DDX59: variants seen among roughly 807,000 people sequenced by gnomAD.
DDX59 encodes the protein DEAD-box helicase 59.
Under a neutral mutation model 51.9 loss-of-function variants are expected in DDX59, and 30 were observed. That is an observed-to-expected ratio of 0.58 (90% CI 0.43 to 0.78). The LOEUF (loss-of-function observed/expected upper bound fraction) is 0.78, where lower values mean the gene tolerates loss of function less well. DDX59 is among the 30% of genes least tolerant of loss of function. The pLI is 0.00. For missense variants in DDX59, 672 were observed against 730.8 expected, an observed-to-expected ratio of 0.92 and a Z score of 0.93; for synonymous variants, 255 against 253.3, an observed-to-expected ratio of 1.01 and a Z score of -0.06.
chr1:200,652,856 A>AT (rs888090737), intron 4 of DDX59, among the ~76,000 whole-genome samples: 20 of 149,232 alleles, frequency 1.3e-4, no homozygotes, highest in East Asian at 7.9e-4. Context: ...AATTTTTGGT[A>AT]TTTTTTTTTG....
chr1:200,646,324 A>T (rs1661291048), intron 7 of DDX59, among the ~76,000 whole-genome samples: 1 of 151,396 alleles, frequency 6.6e-6, no homozygotes, highest in Admixed American at 6.6e-5. Context: ...ACAGAAGGAG[A>T]CCCCGTCTCT....
chr1:200,655,134 T>C (rs1661935869), intron 4 of DDX59: 1 of 152,210 alleles, frequency 6.6e-6, no homozygotes, highest in Admixed American at 6.5e-5. Flanking sequence ...CCTTAGTTCA[T>C]CATTTGCAGG....
Position 200,644,464 on chromosome 1 carries a change from A to G in DDX59, c.1650T>C (p.Asn550=), listed in dbSNP as rs188355384. The change falls in exon 8 of 8, where the codon AAT becomes AAC. Residue 550 remains asparagine, a synonymous_variant. Transcript: ENST00000331314. The part of the protein sequence containing the change: ...GQNGTAITFI[N]NNSKRLFWDI... ...CCCAGAAGAGTCTTTTTGAATTATT[A>G]TTGATGAAAGTAATCGCTGTTCCAT... 881 of 1,605,528 alleles carry G rather than the reference A, an allele frequency of 5.5e-4. 1 individual carries two copies. The highest frequency in any genetic ancestry group is 9.6e-5 in the Non-Finnish European group (113 of 1,175,876).
chr1:200,659,042 A>T lies in DDX59; in HGVS notation c.1047T>A (p.Ile349=), dbSNP rs1662211505. Residue 349 remains isoleucine (I), a synonymous_variant, in exon 4 of 8, where the codon ATT becomes ATA. Coordinates refer to ENST00000331314, the MANE Select transcript of DDX59 (RefSeq NM_001031725.6). ...QSSVELCGVK[I]VVVDEADTML... ...CACTACTTACTTCATCTACTACCAC[A>T]ATCTTTACACCACAGAGTTCTACAG... 1.9e-6 allele frequency: 3 copies of T among 1,612,316 alleles called. No individual in the cohort carries two copies. Among genetic ancestry groups the T allele is most frequent in the Non-Finnish European group, 1.7e-6 (2 of 1,179,354 alleles).
intron 5 of DDX59, 32 bp from the exon 6 acceptor site, chr1:200,649,258 T>G: frequency 6.6e-7 from 1 of 1,515,492 alleles, no homozygotes; most frequent in Non-Finnish European, 8.8e-7. Flanking sequence ...TCAAAAATTA[T>G]TCATATAAAA....
At chr1:200,661,839 C>T (rs1173524927) in intron 3 of DDX59, among the ~76,000 whole-genome samples, 1 of 152,176 alleles carries the variant, frequency 6.6e-6, no homozygotes, top group Non-Finnish European at 1.5e-5. Flanking sequence ...AATTGCATGT[C>T]GAACTGTAAT....
rs1026997561 is a variant in DDX59, at chr1:200,666,389, T to C, written c.352A>G (p.Ile118Val). The change falls in exon 2 of 8, where the codon ATC (isoleucine) becomes GTC (valine). Residue 118 changes from isoleucine to valine, a missense_variant. Coordinates refer to ENST00000331314, the MANE Select transcript of DDX59 (RefSeq NM_001031725.6). ...CVVCGRYGEY[I>V]CDKTDEDVCS... ...ACATCTTCATCTGTCTTATCACAGA[T>C]ATACTCTCCATAACGACCACAGACA... is the stretch of plus-strand genomic sequence containing the variant. The C allele has an allele frequency of 1.9e-6, 3 of 1,614,232 alleles. No homozygotes were observed. Among genetic ancestry groups the C allele is most frequent in the Non-Finnish European group, 1.7e-6 (2 of 1,180,044 alleles).
chr1:200,642,522 A>G (rs576620228), downstream of DDX59, among the ~76,000 whole-genome samples: 1 of 152,340 alleles, frequency 6.6e-6, no homozygotes, highest in East Asian at 1.9e-4. Flanking sequence ...TCTAAAATAC[A>G]TAATTGAGGA....
chr1:200,644,950 A>G (rs1345964850), intron 7 of DDX59, among the ~76,000 whole-genome samples: 1 of 151,684 alleles, frequency 6.6e-6, no homozygotes, highest in Non-Finnish European at 1.5e-5. Flanking sequence ...TCATCCAGAC[A>G]GCATTTTTTG....
Position 200,648,579 on chromosome 1 carries a change from A to G in DDX59, c.1468-12T>C, listed in dbSNP as rs199891141. 120 of 1,601,480 alleles carry G rather than the reference A, an allele frequency of 7.5e-5. No homozygotes were observed. Among genetic ancestry groups the G allele is most frequent in the Non-Finnish European group, 1.0e-4 (118 of 1,175,532 alleles). On this transcript the variant is annotated splice_polypyrimidine_tract_variant and intron_variant, in intron 6 of 7. Coordinates refer to ENST00000331314, the MANE Select transcript of DDX59 (RefSeq NM_001031725.6). ...CCTTCAAGTAATCCCTTTCCAAAAA[A>G]GCAACAAAATTTATTATTCAGAATT...
downstream of DDX59, among the ~76,000 whole-genome samples, chr1:200,642,935 A>T (rs188067908): frequency 4.6e-5 from 7 of 152,378 alleles, no homozygotes; most frequent in East Asian, 1.3e-3. Flanking sequence ...GACCACGGGA[A>T]GATCATGTAT....
chr1:200,648,378 G>C (rs1254538990), intron 7 of DDX59, 61 bp downstream of exon 7: 1 of 1,599,868 alleles, frequency 6.3e-7, no homozygotes, highest in Non-Finnish European at 8.5e-7. Flanking sequence ...TTATCACATT[G>C]ACAATGCCTT....
Position 200,649,115 on chromosome 1 carries a change from GTA to G in DDX59, c.1424_1425del (p.Ile475ThrfsTer18). On this transcript the variant is annotated frameshift_variant, in exon 6 of 8. Coordinates refer to ENST00000331314, the MANE Select transcript of DDX59 (RefSeq NM_001031725.6). LOFTEE classifies it high-confidence loss of function. ...QKITGLKSIS[I>X]HSEKSQIERK... is the part of the protein sequence containing the mutation. ...CTTTCTATTTGCGACTTCTCTGAAT[GTA>G]TAGATATGCTTTTCAGCCCTGTGAT... is the stretch of plus-strand genomic sequence containing the variant. The G allele has an allele frequency of 6.3e-7, 1 of 1,579,992 alleles. No individual in the cohort carries two copies. Among genetic ancestry groups the G allele is most frequent in the African/African-American group, 1.4e-5 (1 of 72,618 alleles).
At chr1:200,641,302 C>A, downstream of DDX59, 1 of 1,061,616 alleles carries the variant, frequency 9.4e-7, no homozygotes, top group South Asian at 1.4e-5. Context: ...TATGACAGGT[C>A]GTGGATCCAG....
At position 200,644,639 on chromosome 1, in the gene DDX59, T is replaced by C. The variant is rs942163916; in HGVS notation, c.1597-122A>G. 2.1e-5 allele frequency: 26 copies of C among 1,226,510 alleles called. No individual in the cohort carries two copies. The African/African-American group carries it at 3.9e-4, about 18-fold the overall frequency. 76.0% of individuals were successfully genotyped at this position (1,226,510 alleles called of 1,614,324 possible). On this transcript the variant is annotated intron_variant, in intron 7 of 7. Transcript: ENST00000331314. ...GGCTGGGTGCAGTGGCTCACGCCTG[T>C]AACCCCAGCACTTTGGGAGCTGAGG...
At chr1:200,667,131 G>A (rs1176168028) in intron 1 of DDX59, among the ~76,000 whole-genome samples, 6 of 151,596 alleles carry the variant, frequency 4.0e-5, no homozygotes, top group Non-Finnish European at 8.8e-5. Flanking sequence ...AAGGCCAGGC[G>A]TGGTGGCTCA....
At chr1:200,659,393 G>T (rs1185207158) in intron 3 of DDX59, among the ~76,000 whole-genome samples, 1 of 152,204 alleles carries the variant, frequency 6.6e-6, no homozygotes, top group African/African-American at 2.4e-5. Flanking sequence ...CCTAAAGGAT[G>T]AGTGGGCATG....
At chr1:200,661,810 G>T (rs929086702) in intron 3 of DDX59, among the ~76,000 whole-genome samples, 1 of 152,182 alleles carries the variant, frequency 6.6e-6, no homozygotes, top group South Asian at 2.1e-4. Flanking sequence ...GATACTGTTT[G>T]GATCTGTGTC....
At chr1:200,666,918 G>A (rs1450968661) in intron 1 of DDX59, among the ~76,000 whole-genome samples, 167 bp from the exon 2 acceptor site, 2 of 151,450 alleles carry the variant, frequency 1.3e-5, no homozygotes, top group African/African-American at 2.4e-5. Context: ...GACCAGCCTG[G>A]CCAACATGCT....
Sources: gnomAD v4.1 joint callset for allele counts (sites outside exome capture counted in the v4.1 genomes callset) on GRCh38, gnomAD v4.1.1 for gene constraint, MANE v1.5 for transcripts, NCBI Gene and HGNC (gene_info 2026-07-23, HGNC 2026-07-21) for gene names.